ZNF365: variants seen among roughly 807,000 people sequenced by gnomAD.
ZNF365 encodes the protein zinc finger protein 365.
ZNF365 carries 22 observed loss-of-function variants against 35.0 expected under a neutral mutation model. The observed-to-expected ratio is 0.63, with a 90% CI of 0.45 to 0.90. The LOEUF (loss-of-function observed/expected upper bound fraction) is 0.90. Ranked by LOEUF, ZNF365 falls within the 40% of genes least tolerant of loss-of-function variation. The probability of loss-of-function intolerance (pLI) is 0.00; values close to 1 mark genes in which losing one functional copy is unlikely to be tolerated. For synonymous variants in ZNF365, 188 were observed against 196.2 expected (o/e 0.96, Z 0.35); for missense variants, 448 against 500.3 (o/e 0.90, Z 1.00).
chr10:62,434,228 T>C (rs1204133321), intron 3 of ZNF365, among the ~76,000 whole-genome samples: 2 of 152,232 alleles, frequency 1.3e-5, no homozygotes. Context: ...ATCAGTAAGA[T>C]ATGCTTCGGG....
At chr10:62,419,484 G>A (rs1463370440) in intron 3 of ZNF365, among the ~76,000 whole-genome samples, 1 of 145,140 alleles carries the variant, frequency 6.9e-6, no homozygotes, top group Non-Finnish European at 1.5e-5. Flanking sequence ...TTACAAGCAG[G>A]TTTTTAAAGG....
At chr10:62,449,022 G>A (rs1175532044) in intron 3 of ZNF365, among the ~76,000 whole-genome samples, 1 of 152,160 alleles carries the variant, frequency 6.6e-6, no homozygotes, top group Non-Finnish European at 1.5e-5. Context: ...GAAATAGGTT[G>A]AAAAATGCCA....
At chr10:62,459,668 T>C (rs1840814824) in intron 3 of ZNF365, 1 of 1,485,906 alleles carries the variant, frequency 6.7e-7, no homozygotes, top group Non-Finnish European at 9.2e-7. Flanking sequence ...GCACTGCTTG[T>C]AGTCTTGCTG....
rs1175718432 is a variant in ZNF365 at position 62,401,995 on chromosome 10, T to C, written c.*2206T>C. The C allele has an allele frequency of 2.0e-6, 2 of 985,498 alleles. No individual in the cohort carries two copies. The highest frequency in any genetic ancestry group is 2.4e-6 in the Non-Finnish European group (2 of 829,924). The allele number at this position is 985,498 out of a possible 1,614,324, so 61.0% of individuals were successfully genotyped here. ...TGTATGTTGTGCCTCCTTAGAGACA[T>C]AAATTTAGTGTCAAAACATGGGAGA... On this transcript the variant is annotated 3_prime_UTR_variant, in exon 5 of 5. Coordinates refer to ENST00000395254, the MANE Select transcript of ZNF365 (RefSeq NM_014951.3).
At chr10:62,463,273 T>C (rs952035128) in intron 4 of ZNF365, among the ~76,000 whole-genome samples, 4 of 152,236 alleles carry the variant, frequency 2.6e-5, no homozygotes, top group South Asian at 2.1e-4. Context: ...GGCTAATTAC[T>C]GGTCACCTCA....
chr10:62,379,798 G>T (rs1048268242), intron 2 of ZNF365, among the ~76,000 whole-genome samples: 2 of 152,156 alleles, frequency 1.3e-5, no homozygotes, highest in African/African-American at 2.4e-5. Context: ...CCACCAAAGA[G>T]TTGGCCTTTC....
rs527592939 is a variant in ZNF365, at chr10:62,466,782, A to G, written c.981+6985A>G. 7.6e-4 allele frequency among the ~76,000 whole-genome samples: 115 copies of G among 152,170 alleles called. No homozygotes were observed. In the South Asian group the frequency reaches 0.011, roughly 15 times the overall value. ...ACAGGTTACTTGAAATGCTAACCTTATAAGAGTCTGACCTGGCTGAGACTG... is the reference window on the plus strand; with the variant it reads ...ACAGGTTACTTGAAATGCTAACCTTGTAAGAGTCTGACCTGGCTGAGACTG... On this transcript the variant is annotated intron_variant, in intron 4 of 4. Coordinates refer to the ZNF365 transcript ENST00000395255.
At chr10:62,396,735 CAT>C (rs1839733874) in intron 3 of ZNF365, among the ~76,000 whole-genome samples, 1 of 152,134 alleles carries the variant, frequency 6.6e-6, no homozygotes, top group Non-Finnish European at 1.5e-5. Context: ...GGGACAGAAA[CAT>C]ACACACACAT....
At chr10:62,418,932 G>A (rs1367333403) in intron 3 of ZNF365, among the ~76,000 whole-genome samples, 1 of 151,914 alleles carries the variant, frequency 6.6e-6, no homozygotes, top group African/African-American at 2.4e-5. Context: ...TTCAGTGCCA[G>A]CTCAGACAGG....
chr10:62,445,188 G>T (rs1251369240), intron 3 of ZNF365, among the ~76,000 whole-genome samples: 3 of 150,632 alleles, frequency 2.0e-5, no homozygotes, highest in African/African-American at 4.9e-5. Context: ...TTGGACATTT[G>T]GGTTGGTTCC....
intron 2 of ZNF365, among the ~76,000 whole-genome samples, chr10:62,386,652 A>G (rs185995578): frequency 1.2e-3 from 182 of 152,312 alleles, no homozygotes; most frequent in African/African-American, 4.2e-3. Flanking sequence ...TGAGAGAAAA[A>G]TCATGACTAA....
intron 3 of ZNF365, among the ~76,000 whole-genome samples, chr10:62,425,588 C>G (rs1396646511): frequency 6.6e-6 from 1 of 152,148 alleles, no homozygotes; most frequent in Non-Finnish European, 1.5e-5. Context: ...ATTACCATTC[C>G]CTCTGCCTAA....
intron 4 of ZNF365, among the ~76,000 whole-genome samples, chr10:62,469,073 C>G (rs940589459): frequency 6.6e-6 from 1 of 152,220 alleles, no homozygotes; most frequent in Non-Finnish European, 1.5e-5. Flanking sequence ...AAAAGTGGAC[C>G]AGTCAAGAGC....
In ZNF365 at chr10:62,386,150, G is replaced by A. The variant is rs190702133; in HGVS notation, c.744-2246G>A. 1.2e-3 allele frequency among the ~76,000 whole-genome samples: 187 copies of A among 152,252 alleles called. 1 individual carries two copies. Among genetic ancestry groups the A allele is most frequent in the Non-Finnish European group, 3.4e-4 (23 of 68,014 alleles). On this transcript the variant is annotated intron_variant, in intron 2 of 4. Transcript: ENST00000395254. ...ATAAGCAAGAACCATGAAAGGGCTG[G>A]GGATGCATTCACATGGGCCCGCCAC...
intron 3 of ZNF365, among the ~76,000 whole-genome samples, chr10:62,441,408 G>A (rs1202511888): frequency 6.6e-6 from 1 of 152,138 alleles, no homozygotes; most frequent in South Asian, 2.1e-4. Flanking sequence ...GCTAGAGAAA[G>A]AAGAACACAG....
intron 1 of ZNF365, chr10:62,375,670 C>G (rs907189729): frequency 6.2e-6 from 1 of 161,026 alleles, no homozygotes; most frequent in African/African-American, 2.4e-5. Flanking sequence ...CTTGTGTTCA[C>G]GCATCTCGGA....
At chr10:62,425,536 GA>G (rs1840238120) in intron 3 of ZNF365, among the ~76,000 whole-genome samples, 2 of 152,100 alleles carry the variant, frequency 1.3e-5, no homozygotes, top group Admixed American at 6.6e-5. Flanking sequence ...ATAATTACTT[GA>G]AAAGAGGGGG....
intron 4 of ZNF365, among the ~76,000 whole-genome samples, chr10:62,399,047 T>C (rs1002904664): frequency 6.6e-6 from 1 of 152,220 alleles, no homozygotes; most frequent in Admixed American, 6.5e-5. Flanking sequence ...CTTTCTCTTA[T>C]TGAGGTATAG....
intron 2 of ZNF365, among the ~76,000 whole-genome samples, chr10:62,378,445 T>G (rs569097139): frequency 6.6e-6 from 1 of 152,310 alleles, no homozygotes; most frequent in East Asian, 1.9e-4. Context: ...GGTTCAAGAA[T>G]GCTTAATTGT....
Sources: gnomAD v4.1 joint callset for allele counts (sites outside exome capture counted in the v4.1 genomes callset) on GRCh38, gnomAD v4.1.1 for gene constraint, MANE v1.5 for transcripts, NCBI Gene and HGNC (gene_info 2026-07-23, HGNC 2026-07-21) for gene names.